Variants in TBC1D31 observed in about 807,000 individuals in gnomAD.
TBC1D31 encodes the protein TBC1 domain family member 31.
A neutral mutation model predicts 132.9 loss-of-function variants in TBC1D31; 99 were observed. The observed-to-expected ratio is 0.74, with a 90% CI of 0.63 to 0.88. The LOEUF (loss-of-function observed/expected upper bound fraction) is 0.88. TBC1D31 is among the 40% of genes least tolerant of loss of function. The pLI is 0.00. For missense variants in TBC1D31, 1,134 were observed against 1,256.6 expected (o/e 0.90, Z 1.48); for synonymous variants, 385 against 419.4 (o/e 0.92, Z 1.00).
At chr8:123,158,773 G>C in the TBC1D31 span, among the ~76,000 whole-genome samples, 2 of 152,108 alleles carry the variant, frequency 1.3e-5, no homozygotes, top group Admixed American at 6.5e-5. Context: ...CGGAGTGGAT[G>C]GGGGTGGGGC....
In TBC1D31 at chr8:123,128,511, G is replaced by A. The variant is rs1455562596; in HGVS notation, c.2115G>A (p.Glu705=). ...IRNDELDYLR[E]RQTVEDMQAK... is the part of the protein sequence containing the mutation. ...ATGATGAATTGGATTACTTAAGAGA[G>A]AGGTAATTATGGAATAGTTTTTCTT... The change falls in exon 14 of 22, where the codon GAG becomes GAA. Residue 705 remains glutamate, a splice_region_variant and synonymous_variant. Coordinates refer to ENST00000287380, the MANE Select transcript of TBC1D31 (RefSeq NM_145647.4). 1 of 1,572,790 alleles carries A rather than the reference G, an allele frequency of 6.4e-7. No individual in the cohort carries two copies. The highest frequency in any genetic ancestry group is 1.4e-5 in the African/African-American group (1 of 73,942).
In TBC1D31 at chr8:123,126,169, G is replaced by T. The variant is rs1454583845; in HGVS notation, c.1684G>T (p.Asp562Tyr). 1 of 1,610,802 alleles carries T rather than the reference G, an allele frequency of 6.2e-7. No individual in the cohort carries two copies. Among genetic ancestry groups the T allele is most frequent in the South Asian group, 1.1e-5 (1 of 90,010 alleles). ...CAAGGAACTGCTGCAACACTTCATA[G>T]ATCATGATATAACCTCCCAGGTAAG... ...HDKELLQHFIDHDITSQLYAW... is the reference protein window; with the variant it reads ...HDKELLQHFIYHDITSQLYAW... The change falls in exon 12 of 22, where the codon GAT (aspartate) becomes TAT (tyrosine). Residue 562 changes from aspartate to tyrosine, a missense_variant. Transcript: ENST00000287380.
chr8:123,123,142 G>A (rs1819656517), intron 11 of TBC1D31: 1 of 152,258 alleles, frequency 6.6e-6, no homozygotes, highest in Non-Finnish European at 1.5e-5. Flanking sequence ...GAGGCAGAAT[G>A]TCATCACATG....
intron 1 of TBC1D31, among the ~76,000 whole-genome samples, chr8:123,076,061 G>C (rs1269081841): frequency 3.9e-5 from 6 of 152,178 alleles, no homozygotes; most frequent in Non-Finnish European, 8.8e-5. Flanking sequence ...GACAGCTGCT[G>C]TTAATATTTA....
chr8:123,155,332 G>A (rs116626277), downstream of TBC1D31, among the ~76,000 whole-genome samples: 606 of 152,284 alleles, frequency 4.0e-3, 3 homozygotes, highest in African/African-American at 0.014. The surrounding 1 kb of genome is among the most constrained non-coding windows in gnomAD (Gnocchi z 4.1). Flanking sequence ...GGTGAGAGAT[G>A]CCACCACCAC....
At chr8:123,097,569 A>G (rs1816950305) in intron 6 of TBC1D31, 128 bp downstream of exon 6, 1 of 1,159,932 alleles carries the variant, frequency 8.6e-7, no homozygotes, top group Non-Finnish European at 1.2e-6. Context: ...CAAATATGTT[A>G]TTTTTGTGAA....
intron 10 of TBC1D31, among the ~76,000 whole-genome samples, chr8:123,109,970 A>G (rs142817162): frequency 1.6e-3 from 240 of 152,170 alleles, no homozygotes; most frequent in African/African-American, 5.2e-3. Flanking sequence ...GCGGGCATCT[A>G]TAATCCCAGC....
At chr8:123,101,402 G>GTTTTGT (rs756034177) in intron 7 of TBC1D31, among the ~76,000 whole-genome samples, 11 of 151,924 alleles carry the variant, frequency 7.2e-5, no homozygotes, top group South Asian at 6.2e-4. Context: ...GTTTGTTTTT[G>GTTTTGT]TTTTGTTTTT....
chr8:123,086,056 C>T (rs553296048), intron 4 of TBC1D31, among the ~76,000 whole-genome samples: 13 of 152,332 alleles, frequency 8.5e-5, no homozygotes, highest in African/African-American at 3.1e-4. Context: ...ATGTCAACGG[C>T]TTGGCCGAGT....
chr8:123,130,431 C>A (rs1002023169), intron 16 of TBC1D31, 98 bp downstream of exon 16: 20 of 1,127,136 alleles, frequency 1.8e-5, no homozygotes, highest in African/African-American at 3.2e-5. Context: ...TTAGAGTCCA[C>A]CATGAATACT....
At chr8:123,157,947 C>A in the TBC1D31 span, among the ~76,000 whole-genome samples, 1 of 151,692 alleles carries the variant, frequency 6.6e-6, no homozygotes, top group South Asian at 2.1e-4. Flanking sequence ...TGCAGGACTG[C>A]AGTCTTTTTC....
intron 5 of TBC1D31, 92 bp from the exon 6 acceptor site, chr8:123,097,189 CA>C: frequency 7.3e-7 from 1 of 1,361,140 alleles, no homozygotes; most frequent in East Asian, 2.3e-5. Flanking sequence ...AGCATAGACA[CA>C]GTACATTTCT....
chr8:123,125,421 G>T (rs1054208464), intron 11 of TBC1D31, among the ~76,000 whole-genome samples: 1 of 152,150 alleles, frequency 6.6e-6, no homozygotes, highest in Admixed American at 6.5e-5. Context: ...CAAGTTTACT[G>T]AAACAAGTTG....
intron 14 of TBC1D31, among the ~76,000 whole-genome samples, 190 bp downstream of exon 14, chr8:123,128,703 C>T (rs1168685687): frequency 6.6e-6 from 1 of 151,988 alleles, no homozygotes; most frequent in Admixed American, 6.6e-5. Flanking sequence ...GGTGAAACCC[C>T]GTCTCTACTA....
At chr8:123,150,968 C>G (rs998282627) in intron 21 of TBC1D31, among the ~76,000 whole-genome samples, 3 of 152,066 alleles carry the variant, frequency 2.0e-5, no homozygotes, top group African/African-American at 4.8e-5. Flanking sequence ...AAGAAATATG[C>G]CTAATACCAA....
chr8:123,136,918 AGGTACGGATGTGCT>A (rs1460339142), intron 17 of TBC1D31, among the ~76,000 whole-genome samples: 1 of 152,236 alleles, frequency 6.6e-6, no homozygotes, highest in Non-Finnish European at 1.5e-5. Context: ...CTGGTCAGTT[AGGTACGGATGTGCT>A]GCCACTACCT....
chr8:123,107,802 T>C (rs1431487480), intron 8 of TBC1D31, among the ~76,000 whole-genome samples: 2 of 152,176 alleles, frequency 1.3e-5, no homozygotes, highest in Non-Finnish European at 2.9e-5. Flanking sequence ...TAGGTCAAAG[T>C]AGAACACTTC....
At position 123,082,745 on chromosome 8, in the gene TBC1D31, G is replaced by A; in HGVS notation, c.268G>A (p.Ala90Thr). The change falls in exon 3 of 22, where the codon GCC (alanine) becomes ACC (threonine). Residue 90 changes from alanine (A) to threonine (T), a missense_variant. Transcript: ENST00000287380. ...QRTAQACTAL[A>T]FNLRRKSEFL... ...AACAGCACAAGCTTGCACAGCTCTG[G>A]CCTTTAATCTTCGTAGGAAATCTGA... The A allele has an allele frequency of 1.2e-6, 2 of 1,613,190 alleles. No individual in the cohort carries two copies. Among genetic ancestry groups the A allele is most frequent in the Non-Finnish European group, 1.7e-6 (2 of 1,180,006 alleles).
chr8:123,151,401 A>G (rs766930240), intron 21 of TBC1D31, among the ~76,000 whole-genome samples: 17 of 152,178 alleles, frequency 1.1e-4, no homozygotes, highest in Non-Finnish European at 4.4e-5. Flanking sequence ...CATTTGATTT[A>G]CTTATTTTTA....
Sources: gnomAD v4.1 joint callset for allele counts (sites outside exome capture counted in the v4.1 genomes callset) on GRCh38, gnomAD v4.1.1 for gene constraint, Gnocchi (gnomAD v3.1) non-coding constraint, MANE v1.5 for transcripts, NCBI Gene and HGNC (gene_info 2026-07-23, HGNC 2026-07-21) for gene names.